The following FGF12 variants were observed in gnomAD, a reference collection of about 807,000 sequenced individuals.
FGF12 encodes the protein fibroblast growth factor 12B.
Under a neutral mutation model 23.6 loss-of-function variants are expected in FGF12, and 14 were observed. That is an observed-to-expected ratio of 0.59 (90% CI 0.39 to 0.93). The LOEUF (loss-of-function observed/expected upper bound fraction) is 0.93. Among genes scored for constraint, FGF12 ranks in the 40% least tolerant of loss-of-function variants. The probability of loss-of-function intolerance (pLI) is 0.00; values close to 1 mark genes in which losing one functional copy is unlikely to be tolerated. For synonymous variants in FGF12, 62 were observed against 77.3 expected, an observed-to-expected ratio of 0.80 and a Z score of 1.04; for missense variants, 175 against 217.8, an observed-to-expected ratio of 0.80 and a Z score of 1.24.
intron 2 of FGF12, among the ~76,000 whole-genome samples, chr3:192,497,716 A>G (rs1724004650): frequency 1.3e-5 from 2 of 152,132 alleles, no homozygotes; most frequent in South Asian, 4.1e-4. Flanking sequence ...TTGCTTCCTC[A>G]CTTCCTTGGT....
chr3:192,189,199 T>A (rs1217463271), intron 4 of FGF12, among the ~76,000 whole-genome samples: 1 of 152,254 alleles, frequency 6.6e-6, no homozygotes, highest in South Asian at 2.1e-4. Context: ...TGATTTCCTT[T>A]GATTTATTTA....
chr3:192,664,540 G>A (rs1162818362), intron 2 of FGF12, among the ~76,000 whole-genome samples: 1 of 145,964 alleles, frequency 6.9e-6, no homozygotes, highest in Non-Finnish European at 1.5e-5. Context: ...CCTGAGGTCA[G>A]GAGTTCAAGA....
At chr3:192,709,486 C>A (rs956228029) in intron 2 of FGF12, among the ~76,000 whole-genome samples, 13 of 152,036 alleles carry the variant, frequency 8.6e-5, no homozygotes, top group Non-Finnish European at 1.5e-4. Flanking sequence ...AATAATTGGG[C>A]TTTTGGGTGG....
At chr3:192,423,981 G>A (rs1016997461) in intron 2 of FGF12, among the ~76,000 whole-genome samples, 1 of 152,048 alleles carries the variant, frequency 6.6e-6, no homozygotes, top group Non-Finnish European at 1.5e-5. Context: ...TAGCATTCTA[G>A]CTCTGATCTC....
At chr3:192,172,604 T>C (rs540869505) in intron 4 of FGF12, among the ~76,000 whole-genome samples, 4 of 150,958 alleles carry the variant, frequency 2.6e-5, no homozygotes, top group African/African-American at 9.7e-5. Context: ...CTACTTCACA[T>C]CCACTATAAA....
At chr3:192,477,752 G>A (rs62294933) in intron 2 of FGF12, among the ~76,000 whole-genome samples, 1 of 152,076 alleles carries the variant, frequency 6.6e-6, no homozygotes, top group Non-Finnish European at 1.5e-5. Context: ...ATTGCATATG[G>A]TTGATTTAAA....
At chr3:192,386,431 A>G (rs1221947786) in intron 2 of FGF12, among the ~76,000 whole-genome samples, 1 of 152,214 alleles carries the variant, frequency 6.6e-6, no homozygotes, top group Middle Eastern at 3.2e-3. Flanking sequence ...TTCATCTGTC[A>G]TAAGTTCTGG....
intron 4 of FGF12, among the ~76,000 whole-genome samples, chr3:192,271,520 A>G (rs1359615870): frequency 6.6e-6 from 1 of 152,072 alleles, no homozygotes; most frequent in East Asian, 1.9e-4. Flanking sequence ...TTGAAATCCA[A>G]CCTACAAAGC....
chr3:192,696,167 TTA>T (rs59346195), intron 2 of FGF12, among the ~76,000 whole-genome samples: 5,456 of 150,928 alleles, frequency 0.036, 361 homozygotes, highest in African/African-American at 0.13. Flanking sequence ...TTTTTTTTTT[TTA>T]ATCATTTCCT....
intron 2 of FGF12, among the ~76,000 whole-genome samples, chr3:192,361,988 C>T (rs962638437): frequency 5.9e-5 from 9 of 152,230 alleles, no homozygotes; most frequent in African/African-American, 9.6e-5. Context: ...AAATAAATTC[C>T]GTTTTTTAAA....
chr3:192,710,921 T>C (rs1577134788), intron 2 of FGF12, among the ~76,000 whole-genome samples: 3 of 152,250 alleles, frequency 2.0e-5, no homozygotes, highest in Admixed American at 2.0e-4. Flanking sequence ...GAGTCTTCTT[T>C]GAGGAATCTT....
Position 192,514,961 on chromosome 3 carries a change from C to A in FGF12, c.14-154423G>T. ...GGAAGTGCCGGTCCGCCGGGGGCAGCCCTCCGAGAGCCCGAGGCGCTGCCA... is the reference window on the plus strand; with the variant it reads ...GGAAGTGCCGGTCCGCCGGGGGCAGACCTCCGAGAGCCCGAGGCGCTGCCA... On this transcript the variant is annotated intron_variant, in intron 2 of 5. Coordinates refer to ENST00000445105, the MANE Select transcript of FGF12 (RefSeq NM_004113.6). This position sits in a 1 kb window ranked among gnomAD's most constrained non-coding sequence, Gnocchi z 4.9. The A allele has an allele frequency of 1.3e-6, 1 of 760,780 alleles. No individual in the cohort carries two copies. The highest frequency in any genetic ancestry group is 1.6e-6 in the Non-Finnish European group (1 of 624,874). 47.1% of individuals were successfully genotyped at this position (760,780 alleles called of 1,614,324 possible).
At position 192,474,424 on chromosome 3, in the gene FGF12, T is replaced by C. The variant is rs1452838635; in HGVS notation, c.14-113886A>G. Among the ~76,000 whole-genome samples the C allele has an allele frequency of 3.9e-5, 6 of 152,202 alleles. No homozygotes were observed. In the East Asian group the frequency reaches 9.6e-4, roughly 24 times the overall value. The stretch of plus-strand genomic sequence containing the variant: ...CACATAACCCAGATTTGGCCAATTA[T>C]AGCACCTCATTTTCTCTGTCACAGT... On this transcript the variant is annotated intron_variant, in intron 2 of 5. Transcript: ENST00000445105.
chr3:192,491,261 A>ACCATG lies in FGF12; in HGVS notation c.14-130728_14-130724dup, dbSNP rs563925598. Among the ~76,000 whole-genome samples, 6 of 152,214 alleles carry ACCATG rather than the reference A, an allele frequency of 3.9e-5. No homozygotes were observed. In the South Asian group the frequency reaches 1.2e-3, roughly 32 times the overall value. ...TGTAAACACCTCTTCTCCCCATAAGACCATGACCTCTCTGATGGCAAGGAT... is the reference window on the plus strand; with the variant it reads ...TGTAAACACCTCTTCTCCCCATAAGACCATGCCATGACCTCTCTGATGGCAAGGAT... On this transcript the variant is annotated intron_variant, in intron 2 of 5. Coordinates refer to ENST00000445105, the MANE Select transcript of FGF12 (RefSeq NM_004113.6).
intron 2 of FGF12, among the ~76,000 whole-genome samples, chr3:192,492,260 T>C (rs1481169745): frequency 2.6e-5 from 4 of 152,212 alleles, no homozygotes; most frequent in Non-Finnish European, 4.4e-5. Flanking sequence ...AAGATTCATA[T>C]CATTAGTTAA....
chr3:192,675,204 C>CAT (rs1717284001), intron 2 of FGF12, among the ~76,000 whole-genome samples: 1 of 151,946 alleles, frequency 6.6e-6, no homozygotes, highest in African/African-American at 2.4e-5. Flanking sequence ...CAGTACACTG[C>CAT]GGCAACAGGG....
chr3:192,359,179 CA>C (rs1718611140), intron 3 of FGF12, among the ~76,000 whole-genome samples: 1 of 152,026 alleles, frequency 6.6e-6, no homozygotes, highest in African/African-American at 2.4e-5. Flanking sequence ...AATCTGAGAG[CA>C]AGAAAACTGA....
At position 192,142,414 on chromosome 3, in the gene FGF12, G is replaced by GAT. The variant is rs1263959845; in HGVS notation, c.*1593_*1594dup. ...GGAACAATACATGCTGGACAGTAGAGATATAGGAGAAGTTACATGCTATGT... is the reference window on the plus strand; with the variant it reads ...GGAACAATACATGCTGGACAGTAGAGATATATAGGAGAAGTTACATGCTATGT... On this transcript the variant is annotated 3_prime_UTR_variant, in exon 6 of 6. Transcript: ENST00000445105. The GAT allele has an allele frequency of 2.0e-5, 3 of 152,580 alleles. No individual in the cohort carries two copies. The highest frequency in any genetic ancestry group is 7.2e-5 in the African/African-American group (3 of 41,550). 9.5% of individuals were successfully genotyped at this position (152,580 alleles called of 1,614,324 possible).
intron 5 of FGF12, among the ~76,000 whole-genome samples, chr3:192,146,310 G>T (rs1388783458): frequency 4.4e-5 from 6 of 135,934 alleles, no homozygotes; most frequent in African/African-American, 1.7e-4. Flanking sequence ...TCGCTCTATA[G>T]CCCAGGCTGG....
Sources: gnomAD v4.1 joint callset for allele counts (sites outside exome capture counted in the v4.1 genomes callset) on GRCh38, gnomAD v4.1.1 for gene constraint, Gnocchi (gnomAD v3.1) non-coding constraint, MANE v1.5 for transcripts, NCBI Gene and HGNC (gene_info 2026-07-23, HGNC 2026-07-21) for gene names.